COL4A4: variants seen among roughly 807,000 people sequenced by gnomAD.
The protein encoded by COL4A4 is collagen alpha-4(IV) chain.
A neutral mutation model predicts 192.9 loss-of-function variants in COL4A4; 105 were observed. That is an observed-to-expected ratio of 0.54 (90% CI 0.46 to 0.64). The LOEUF (loss-of-function observed/expected upper bound fraction) is 0.64, where lower values mean the gene tolerates loss of function less well. COL4A4 is among the 30% of genes least tolerant of loss of function. COL4A4 has a pLI of 0.00. For missense variants in COL4A4, 1,967 were observed against 2,169.3 expected, an observed-to-expected ratio of 0.91 and a Z score of 1.85; for synonymous variants, 762 against 769.9, an observed-to-expected ratio of 0.99 and a Z score of 0.17.
intron 24 of COL4A4, among the ~76,000 whole-genome samples, chr2:227,078,524 C>T (rs890628225): frequency 2.0e-5 from 3 of 152,160 alleles, no homozygotes; most frequent in Non-Finnish European, 2.9e-5. Flanking sequence ...CGTCAGCCAC[C>T]GCGCCTGGCC....
Position 227,088,770 on chromosome 2 carries a change from A to G in COL4A4, c.1506T>C (p.Pro502=). 6.2e-7 allele frequency: 1 copy of G among 1,614,092 alleles called. No homozygotes were observed. Among genetic ancestry groups the G allele is most frequent in the South Asian group, 1.1e-5 (1 of 91,076 alleles). ...CACEPGPMGP[P]GPPGLPGRQG... ...GCCTCCCAGGAAGTCCTGGAGGGCC[A>G]GGGGGGCCCATGGGTCCAGGCTCAC... Residue 502 remains proline, a synonymous_variant, in exon 22 of 48, where the codon CCT becomes CCC. Coordinates refer to ENST00000396625, the MANE Select transcript of COL4A4 (RefSeq NM_000092.5).
In COL4A4 at chr2:227,105,053, A is replaced by C. The variant is rs766733099; in HGVS notation, c.736-1001T>G. ...GTTTTATGTTTATGAAAATATAATC[A>C]GAATACTATAATAAATATATAAACA... On this transcript the variant is annotated intron_variant, in intron 12 of 47. Transcript: ENST00000396625. 1.4e-4 allele frequency among the ~76,000 whole-genome samples: 22 copies of C among 152,048 alleles called. 1 individual carries two copies. Among genetic ancestry groups the C allele is most frequent in the Non-Finnish European group, 2.6e-4 (18 of 68,008 alleles).
At chr2:227,144,948 T>A (rs1277805208) in intron 2 of COL4A4, among the ~76,000 whole-genome samples, 1 of 152,066 alleles carries the variant, frequency 6.6e-6, no homozygotes, top group Non-Finnish European at 1.5e-5. Context: ...TATCCCATAA[T>A]GCCATTTAGT....
chr2:227,050,000 T>C (rs1973734285), intron 34 of COL4A4, 68 bp downstream of exon 34: 3 of 1,473,910 alleles, frequency 2.0e-6, no homozygotes, highest in Admixed American at 1.7e-5. Context: ...AAAAGGCACT[T>C]GTTTACAATG....
chr2:227,108,562 A>G lies in COL4A4; in HGVS notation c.735+19T>C, dbSNP rs2060992377. On this transcript the variant is annotated intron_variant, in intron 12 of 47. Coordinates refer to ENST00000396625, the MANE Select transcript of COL4A4 (RefSeq NM_000092.5). ...ACACACGTCACCATCTGCTCCTCAG[A>G]GCAAGAGGGAATTCTTACCGGGTCT... is the stretch of plus-strand genomic sequence containing the variant. 6.2e-7 allele frequency: 1 copy of G among 1,612,430 alleles called. No homozygotes were observed. The highest frequency in any genetic ancestry group is 1.3e-5 in the African/African-American group (1 of 74,874).
chr2:227,134,552 T>C (rs1262626516), intron 4 of COL4A4, among the ~76,000 whole-genome samples: 1 of 152,188 alleles, frequency 6.6e-6, no homozygotes, highest in East Asian at 1.9e-4. Flanking sequence ...GTGTGAGTGA[T>C]AGTGAGACTG....
intron 28 of COL4A4, among the ~76,000 whole-genome samples, chr2:227,058,902 C>A (rs1202744492): frequency 1.1e-5 from 1 of 89,386 alleles, no homozygotes; most frequent in African/African-American, 6.4e-5. Context: ...TCCTCTCTTG[C>A]GTTTGATGCC....
intron 28 of COL4A4, among the ~76,000 whole-genome samples, chr2:227,058,652 G>T (rs971159077): frequency 2.6e-5 from 4 of 152,082 alleles, no homozygotes. Flanking sequence ...CTGATCTGTG[G>T]TTCACATCTT....
At chr2:227,111,045 G>A (rs1217659711) in intron 9 of COL4A4, among the ~76,000 whole-genome samples, 1 of 152,216 alleles carries the variant, frequency 6.6e-6, no homozygotes, top group East Asian at 1.9e-4. Context: ...TATAATCATT[G>A]AATTGCTGGT....
intron 19 of COL4A4, among the ~76,000 whole-genome samples, chr2:227,097,266 G>C (rs991362786): frequency 6.6e-6 from 1 of 152,174 alleles, no homozygotes; most frequent in Non-Finnish European, 1.5e-5. Flanking sequence ...AATAGAGTAA[G>C]TTGTGACAGC....
At chr2:227,064,802 G>A (rs2058191986) in intron 25 of COL4A4, among the ~76,000 whole-genome samples, 1 of 152,168 alleles carries the variant, frequency 6.6e-6, no homozygotes, top group African/African-American at 2.4e-5. Flanking sequence ...CATAAATGAA[G>A]GAGAAATAAA....
chr2:227,016,102 T>C (rs774268986), intron 44 of COL4A4, among the ~76,000 whole-genome samples: 46 of 146,586 alleles, frequency 3.1e-4, no homozygotes, highest in Non-Finnish European at 6.8e-4. Context: ...CACTTGGCAA[T>C]GTCTGGAGGC....
At chr2:227,118,614 T>C (rs753199943) in intron 7 of COL4A4, 31 bp downstream of exon 7, 2 of 1,505,964 alleles carry the variant, frequency 1.3e-6, no homozygotes, top group Admixed American at 1.7e-5. Flanking sequence ...TCACTTAAGA[T>C]TCCTGTTAAG....
intron 4 of COL4A4, among the ~76,000 whole-genome samples, chr2:227,121,894 C>G (rs1220711073): frequency 6.6e-6 from 1 of 152,236 alleles, no homozygotes; most frequent in East Asian, 1.9e-4. Flanking sequence ...GTTTTATTTA[C>G]CTTTATGTTC....
intron 41 of COL4A4, among the ~76,000 whole-genome samples, chr2:227,030,061 A>G (rs1299173459): frequency 6.6e-6 from 1 of 151,876 alleles, no homozygotes; most frequent in Non-Finnish European, 1.5e-5. Context: ...ATAAATGTAT[A>G]TTAACTATAT....
chr2:226,988,277 G>C, the COL4A4 span: 3 of 1,517,784 alleles, frequency 2.0e-6, no homozygotes, highest in Non-Finnish European at 1.8e-6. Flanking sequence ...GGAGGCCACT[G>C]TAAGTCTCTT....
intron 15 of COL4A4, among the ~76,000 whole-genome samples, chr2:227,102,515 T>C (rs779026766): frequency 1.3e-5 from 2 of 152,210 alleles, no homozygotes; most frequent in Non-Finnish European, 2.9e-5. Flanking sequence ...CCAAGCTACT[T>C]TCCTACTGGC....
intron 23 of COL4A4, among the ~76,000 whole-genome samples, chr2:227,081,096 A>G (rs2059300671): frequency 6.6e-6 from 1 of 152,160 alleles, no homozygotes; most frequent in Non-Finnish European, 1.5e-5. Context: ...GGTTGTCCCA[A>G]TGCCAACCTG....
the COL4A4 span, among the ~76,000 whole-genome samples, chr2:226,977,189 C>CTCG: frequency 6.6e-6 from 1 of 152,208 alleles, no homozygotes; most frequent in Admixed American, 6.5e-5. Flanking sequence ...CATTGGATGT[C>CTCG]TCGCGTCTCT....
Sources: allele counts gnomAD v4.1 joint callset (sites outside exome capture counted in the v4.1 genomes callset), GRCh38; gene constraint gnomAD v4.1.1; transcripts MANE v1.5; gene names NCBI Gene and HGNC (gene_info 2026-07-23, HGNC 2026-07-21).